ZDHHC18: variants seen among roughly 807,000 people sequenced by gnomAD.
ZDHHC18 encodes the protein zDHHC palmitoyltransferase 18, also known as palmitoyltransferase ZDHHC18.
In ZDHHC18, 23 loss-of-function variants were observed where a neutral mutation model predicts 37.5. The observed-to-expected ratio is 0.61, with a 90% CI of 0.44 to 0.87. ZDHHC18 has a LOEUF of 0.87. ZDHHC18 is among the 40% of genes least tolerant of loss of function. ZDHHC18 has a pLI of 0.00. For missense variants in ZDHHC18, 406 were observed against 525.6 expected (o/e 0.77, Z 2.22); for synonymous variants, 185 against 218.7 (o/e 0.85, Z 1.36).
rs1285833172 is a variant in ZDHHC18, at chr1:26,850,756, C to T, written c.833+150C>T. 1.0e-6 allele frequency: 1 copy of T among 964,292 alleles called. No individual in the cohort carries two copies. Among genetic ancestry groups the T allele is most frequent in the African/African-American group, 1.6e-5 (1 of 60,924 alleles). 59.7% of individuals were successfully genotyped at this position (964,292 alleles called of 1,614,324 possible). On this transcript the variant is annotated intron_variant, in intron 5 of 7. Coordinates refer to ENST00000374142, the MANE Select transcript of ZDHHC18 (RefSeq NM_032283.3). This position sits in a 1 kb window ranked among gnomAD's most constrained non-coding sequence, Gnocchi z 6.1. ...ACATGCCAGCTCTTCTGTTCACACC[C>T]AGGCAAGAGCTGATCCTAAATGGGG...
Position 26,853,793 on chromosome 1 carries a change from C to T in ZDHHC18, c.1117C>T (p.Pro373Ser), listed in dbSNP as rs1215298252. 3 of 1,613,970 alleles carry T rather than the reference C, an allele frequency of 1.9e-6. No homozygotes were observed. The African/African-American group carries it at 4.0e-5, about 22-fold the overall frequency. The change falls in exon 8 of 8, where the codon CCA becomes TCA. Residue 373 changes from proline (P) to serine (S), a missense_variant. Coordinates refer to ENST00000374142, the MANE Select transcript of ZDHHC18 (RefSeq NM_032283.3). ...VLPSPIRSDE[P>S]ACRAKPDASM... ...GCCCTCACCCATCAGAAGCGATGAGCCAGCCTGCAGAGCCAAGCCTGATGC... is the reference window on the plus strand; with the variant it reads ...GCCCTCACCCATCAGAAGCGATGAGTCAGCCTGCAGAGCCAAGCCTGATGC...
intron 1 of ZDHHC18, among the ~76,000 whole-genome samples, chr1:26,827,684 G>C (rs1291612927): frequency 6.6e-6 from 1 of 152,018 alleles, no homozygotes; most frequent in Non-Finnish European, 1.5e-5. Flanking sequence ...GTCCCTCCAG[G>C]GTCCCCTCCT....
chr1:26,830,996 T>C (rs980792989), intron 1 of ZDHHC18, among the ~76,000 whole-genome samples: 14 of 152,216 alleles, frequency 9.2e-5, no homozygotes, highest in Non-Finnish European at 1.6e-4. Context: ...TTGGTCAGGC[T>C]GGTCTCGAAC....
intron 2 of ZDHHC18, among the ~76,000 whole-genome samples, chr1:26,838,585 G>C (rs2081624194): frequency 6.6e-6 from 1 of 152,204 alleles, no homozygotes; most frequent in Non-Finnish European, 1.5e-5. Flanking sequence ...TTTCTGATTT[G>C]TGTAAAATTT....
rs762637231 is a variant in ZDHHC18 at position 26,827,101 on chromosome 1, G to A, written c.297G>A (p.Leu99=). The change falls in exon 1 of 8, where the codon CTG becomes CTA. Residue 99 remains leucine (L), a synonymous_variant. Transcript: ENST00000374142. ...GCGGCGTCTTCGCGCTCACGCTGCT[G>A]CTCATCCTCACCACCACCGGCCTCT... ...GHGGVFALTL[L]LILTTTGLFF... 1 of 1,419,246 alleles carries A rather than the reference G, an allele frequency of 7.0e-7. No homozygotes were observed. The highest frequency in any genetic ancestry group is 1.4e-5 in the South Asian group (1 of 69,970). 87.9% of individuals were successfully genotyped at this position (1,419,246 alleles called of 1,614,324 possible). A position where few individuals can be genotyped will look rare whatever the true frequency, so the allele number is the denominator to read the frequency against.
chr1:26,827,438 A>G (rs2081563688), intron 1 of ZDHHC18, among the ~76,000 whole-genome samples: 1 of 146,332 alleles, frequency 6.8e-6, no homozygotes, highest in African/African-American at 2.6e-5. Context: ...TGCCACTGCC[A>G]GGAACACCAG....
chr1:26,856,246 T>C lies in ZDHHC18; in HGVS notation c.*2403T>C. ...GCCTGAGGGGAGCTAACAGGCCTCT[T>C]TGCAGAGGGTTAGCTGGTAAGACCG... is the stretch of plus-strand genomic sequence containing the variant. On this transcript the variant is annotated 3_prime_UTR_variant, in exon 8 of 8. Transcript: ENST00000374142. The surrounding 1 kb of genome is among the most constrained non-coding windows in gnomAD (Gnocchi z 5.2). The C allele has an allele frequency of 2.2e-6, 1 of 450,212 alleles. No homozygotes were observed. The highest frequency in any genetic ancestry group is 4.5e-6 in the Non-Finnish European group (1 of 221,962). 27.9% of individuals were successfully genotyped at this position (450,212 alleles called of 1,614,324 possible). A position where few individuals can be genotyped will look rare whatever the true frequency, so the allele number is the denominator to read the frequency against.
At position 26,854,797 on chromosome 1, in the gene ZDHHC18, A is replaced by G. The variant is rs1355410739; in HGVS notation, c.*954A>G. Reference sequence around the variant, plus strand: ...GTTATCAGAAGGCTGGTTGGTTTTAATAAGTTTATTCCAAGAGACCTTCTG... The same window carrying G: ...GTTATCAGAAGGCTGGTTGGTTTTAGTAAGTTTATTCCAAGAGACCTTCTG... On this transcript the variant is annotated 3_prime_UTR_variant, in exon 8 of 8. Transcript: ENST00000374142. This position sits in a 1 kb window ranked among gnomAD's most constrained non-coding sequence, Gnocchi z 4.6. 2 of 152,586 alleles carry G rather than the reference A, an allele frequency of 1.3e-5. No individual in the cohort carries two copies. Among genetic ancestry groups the G allele is most frequent in the African/African-American group, 2.4e-5 (1 of 41,420 alleles). 9.5% of individuals were successfully genotyped at this position (152,586 alleles called of 1,614,324 possible). A position where few individuals can be genotyped will look rare whatever the true frequency, so the allele number is the denominator to read the frequency against.
rs2081734120 is a variant in ZDHHC18, at chr1:26,856,337, C to T, written c.*2494C>T. 5 of 390,030 alleles carry T rather than the reference C, an allele frequency of 1.3e-5. No homozygotes were observed. Among genetic ancestry groups the T allele is most frequent in the Admixed American group, 2.5e-5 (1 of 40,472 alleles). 24.2% of individuals were successfully genotyped at this position (390,030 alleles called of 1,614,324 possible). Reference sequence around the variant, plus strand: ...ACCATCTCATCCTCATCGCATGCCTCGCCAACCCCATGGAGCCCGTCCATC... The same window carrying T: ...ACCATCTCATCCTCATCGCATGCCTTGCCAACCCCATGGAGCCCGTCCATC... On this transcript the variant is annotated 3_prime_UTR_variant, in exon 8 of 8. Transcript: ENST00000374142. The surrounding 1 kb of genome is among the most constrained non-coding windows in gnomAD (Gnocchi z 5.2).
rs1345047591 is a variant in ZDHHC18 at position 26,832,516 on chromosome 1, C to T, written c.405C>T (p.Val135=). 1 of 1,614,202 alleles carries T rather than the reference C, an allele frequency of 6.2e-7. No homozygotes were observed. The highest frequency in any genetic ancestry group is 1.1e-5 in the South Asian group (1 of 91,090). Reference sequence around the variant, plus strand: ...TCGCTGCCATCCTCTTCTTCTTCGTCATGAGCTGCCTGCTGCAGACAAGCT... The same window carrying T: ...TCGCTGCCATCCTCTTCTTCTTCGTTATGAGCTGCCTGCTGCAGACAAGCT... ...PIIAAILFFF[V]MSCLLQTSFT... Residue 135 remains valine, a synonymous_variant, in exon 2 of 8, where the codon GTC becomes GTT. Coordinates refer to ENST00000374142, the MANE Select transcript of ZDHHC18 (RefSeq NM_032283.3).
chr1:26,845,320 C>CTTTTTTTTTTTTT lies in ZDHHC18; in HGVS notation c.497-3268_497-3256dup, dbSNP rs71007896. ...CTGCTCTAAAGGTTACTTCTTCATT[C>CTTTTTTTTTTTTT]TTTTTTTTTTTTTTTTTTTTTTTTT... On this transcript the variant is annotated intron_variant, in intron 2 of 7. Transcript: ENST00000374142. Among the ~76,000 whole-genome samples, 18 of 45,194 alleles carry CTTTTTTTTTTTTT rather than the reference C, an allele frequency of 4.0e-4. 6 individuals carry two copies. Among genetic ancestry groups the CTTTTTTTTTTTTT allele is most frequent in the Admixed American group, 5.5e-4 (2 of 3,646 alleles). 29.6% of individuals were successfully genotyped at this position (45,194 alleles called of 152,430 possible). A position where few individuals can be genotyped will look rare whatever the true frequency, so the allele number is the denominator to read the frequency against.
At chr1:26,842,787 C>T (rs181302109) in intron 2 of ZDHHC18, among the ~76,000 whole-genome samples, 2 of 152,396 alleles carry the variant, frequency 1.3e-5, no homozygotes, top group African/African-American at 4.8e-5. Flanking sequence ...ATGTTTGCTT[C>T]ACTGATATAT....
intron 2 of ZDHHC18, among the ~76,000 whole-genome samples, chr1:26,837,546 C>T (rs976815811): frequency 1.3e-5 from 2 of 151,050 alleles, no homozygotes; most frequent in African/African-American, 2.4e-5. Flanking sequence ...ATGGTGTGAT[C>T]TCAGCTTACT....
intron 2 of ZDHHC18, among the ~76,000 whole-genome samples, chr1:26,833,720 G>A (rs933100437): frequency 1.3e-5 from 2 of 152,060 alleles, no homozygotes; most frequent in Non-Finnish European, 2.9e-5. Context: ...TGCACACCTC[G>A]GGGGTTTCCG....
In ZDHHC18 at chr1:26,850,236, C is replaced by A; in HGVS notation, c.647-65C>A. 6.3e-7 allele frequency: 1 copy of A among 1,575,276 alleles called. No homozygotes were observed. The highest frequency in any genetic ancestry group is 8.6e-7 in the Non-Finnish European group (1 of 1,159,250). On this transcript the variant is annotated intron_variant, in intron 3 of 7. Transcript: ENST00000374142. The surrounding 1 kb of genome is among the most constrained non-coding windows in gnomAD (Gnocchi z 6.1). ...GGAAAGCCCCAGCCATGGGTGAGGC[C>A]GCCAAATGCCTGTGCTGGCTGCAGG...
intron 2 of ZDHHC18, among the ~76,000 whole-genome samples, chr1:26,840,627 A>C (rs1373269664): frequency 2.6e-5 from 4 of 151,914 alleles, no homozygotes; most frequent in Non-Finnish European, 5.9e-5. Context: ...TTTTTAGTAG[A>C]GATGGGGTTT....
intron 2 of ZDHHC18, among the ~76,000 whole-genome samples, chr1:26,841,134 A>G (rs1314502539): frequency 1.3e-5 from 2 of 151,844 alleles, no homozygotes; most frequent in Non-Finnish European, 2.9e-5. Context: ...ACACCACCAC[A>G]CCTGGCTAAT....
At chr1:26,848,810 C>T (rs915885998) in intron 3 of ZDHHC18, 53 bp downstream of exon 3, 31 of 1,584,454 alleles carry the variant, frequency 2.0e-5, no homozygotes, top group Non-Finnish European at 2.5e-5. Flanking sequence ...GAGACTGAGT[C>T]GTGGGGATGG....
chr1:26,828,139 A>C (rs1342191849), intron 1 of ZDHHC18, among the ~76,000 whole-genome samples: 1 of 152,002 alleles, frequency 6.6e-6, no homozygotes, highest in Non-Finnish European at 1.5e-5. Flanking sequence ...TTGTATTAGA[A>C]GTTTTCCACC....
Sources: allele counts gnomAD v4.1 joint callset (sites outside exome capture counted in the v4.1 genomes callset), GRCh38; gene constraint gnomAD v4.1.1; non-coding constraint Gnocchi (gnomAD v3.1); transcripts MANE v1.5; gene names NCBI Gene and HGNC (gene_info 2026-07-23, HGNC 2026-07-21).